The following CNTNAP5 variants were observed in gnomAD, a reference collection of about 807,000 sequenced individuals.
CNTNAP5 encodes contactin-associated protein-like 5.
Under a neutral mutation model 150.2 loss-of-function variants are expected in CNTNAP5, and 72 were observed. The observed-to-expected ratio is 0.48, with a 90% CI of 0.40 to 0.58. CNTNAP5 has a LOEUF of 0.58. CNTNAP5 is among the 20% of genes least tolerant of loss of function. CNTNAP5 has a pLI of 0.00. For synonymous variants in CNTNAP5, 672 were observed against 619.8 expected (o/e 1.08, Z -1.25); for missense variants, 1,636 against 1,626.2 (o/e 1.01, Z -0.10).
chr2:124,617,063 T>A (rs1020148676), intron 12 of CNTNAP5, among the ~76,000 whole-genome samples: 7 of 151,866 alleles, frequency 4.6e-5, no homozygotes, highest in African/African-American at 1.7e-4. Context: ...GATATAACAA[T>A]GATAATAATA....
At chr2:124,480,750 T>C (rs541734240) in intron 7 of CNTNAP5, among the ~76,000 whole-genome samples, 1 of 152,326 alleles carries the variant, frequency 6.6e-6, no homozygotes, top group African/African-American at 2.4e-5. Flanking sequence ...ATATTGTGTC[T>C]TTTCTCTTCT....
At chr2:124,058,134 A>G (rs1681905633) in intron 1 of CNTNAP5, among the ~76,000 whole-genome samples, 1 of 152,178 alleles carries the variant, frequency 6.6e-6, no homozygotes, top group Admixed American at 6.5e-5. Context: ...GGATTGTTAA[A>G]TATGCAAATT....
chr2:124,778,425 C>T (rs774416969), intron 17 of CNTNAP5: 3 of 152,396 alleles, frequency 2.0e-5, no homozygotes, highest in Non-Finnish European at 4.4e-5. Flanking sequence ...TGAACACATG[C>T]ACAAGTGGTG....
At chr2:124,190,387 G>A (rs1010947694) in intron 1 of CNTNAP5, among the ~76,000 whole-genome samples, 6 of 152,134 alleles carry the variant, frequency 3.9e-5, no homozygotes, top group African/African-American at 1.2e-4. Context: ...GAGGAGATGA[G>A]TGCGTGAGTT....
chr2:124,403,786 T>A (rs1033179270), intron 3 of CNTNAP5, among the ~76,000 whole-genome samples: 14 of 151,794 alleles, frequency 9.2e-5, no homozygotes, highest in African/African-American at 3.4e-4. Context: ...AAGAAGGAGG[T>A]TTAATTGACT....
At chr2:124,106,984 C>T (rs954825760) in intron 1 of CNTNAP5, among the ~76,000 whole-genome samples, 2 of 152,176 alleles carry the variant, frequency 1.3e-5, no homozygotes, top group African/African-American at 2.4e-5. Flanking sequence ...GTGTCAGAAG[C>T]GTTGTGAATA....
chr2:124,258,974 A>G (rs998008951), intron 3 of CNTNAP5, among the ~76,000 whole-genome samples: 1 of 151,476 alleles, frequency 6.6e-6, no homozygotes, highest in Non-Finnish European at 1.5e-5. Context: ...CTCAATTAAC[A>G]TTAGGTGTAT....
chr2:124,518,876 C>A (rs1243561677), intron 8 of CNTNAP5, among the ~76,000 whole-genome samples: 1 of 151,390 alleles, frequency 6.6e-6, no homozygotes, highest in Non-Finnish European at 1.5e-5. Context: ...GTGATCCCAG[C>A]TACTCAGGAG....
chr2:124,499,294 TA>T (rs113613609), intron 7 of CNTNAP5, among the ~76,000 whole-genome samples: 6,079 of 152,278 alleles, frequency 0.04, 144 homozygotes, highest in Non-Finnish European at 0.042. Flanking sequence ...AAAAAGTAGC[TA>T]ATTATTACAA....
At chr2:124,181,111 G>A (rs1300044921) in intron 1 of CNTNAP5, among the ~76,000 whole-genome samples, 1 of 151,814 alleles carries the variant, frequency 6.6e-6, no homozygotes, top group East Asian at 1.9e-4. Context: ...AGTTTCTTCT[G>A]TGTTCACATT....
chr2:124,755,327 A>G (rs1468130257), intron 14 of CNTNAP5, among the ~76,000 whole-genome samples: 1 of 152,210 alleles, frequency 6.6e-6, no homozygotes, highest in Non-Finnish European at 1.5e-5. Context: ...GCAAAATTGT[A>G]TCAGAAATAA....
intron 8 of CNTNAP5, among the ~76,000 whole-genome samples, chr2:124,521,551 T>C (rs1311661675): frequency 6.6e-6 from 1 of 152,152 alleles, no homozygotes; most frequent in African/African-American, 2.4e-5. Flanking sequence ...GTGCCATCTG[T>C]AACATGAATA....
rs567769712 is a variant in CNTNAP5 at position 124,038,089 on chromosome 2, G to A, written c.82+12357G>A. Among the ~76,000 whole-genome samples, 10 of 152,306 alleles carry A rather than the reference G, an allele frequency of 6.6e-5. No individual in the cohort carries two copies. In the East Asian group the frequency reaches 1.7e-3, roughly 26 times the overall value. ...TTTTACCCAATAGGGATAGACAGAAGGTTAGGTTTGACAAGTGTATACCCA... is the reference window on the plus strand; with the variant it reads ...TTTTACCCAATAGGGATAGACAGAAAGTTAGGTTTGACAAGTGTATACCCA... On this transcript the variant is annotated intron_variant, in intron 1 of 23. Transcript: ENST00000682447.
intron 3 of CNTNAP5, among the ~76,000 whole-genome samples, chr2:124,246,857 T>A (rs1411182332): frequency 6.6e-6 from 1 of 152,178 alleles, no homozygotes; most frequent in Non-Finnish European, 1.5e-5. Context: ...TTTATTAATA[T>A]TAAACTTGCA....
intron 1 of CNTNAP5, among the ~76,000 whole-genome samples, chr2:124,090,597 G>T (rs539949342): frequency 2.6e-5 from 4 of 152,106 alleles, no homozygotes; most frequent in Non-Finnish European, 5.9e-5. Context: ...TTTCATGGAA[G>T]AAGTAATGAT....
chr2:124,563,252 G>A lies in CNTNAP5; in HGVS notation c.1685G>A (p.Cys562Tyr). The A allele has an allele frequency of 6.3e-7, 1 of 1,594,234 alleles. No homozygotes were observed. Among genetic ancestry groups the A allele is most frequent in the South Asian group, 1.1e-5 (1 of 87,450 alleles). The change falls in exon 11 of 24, where the codon TGC becomes TAC. Residue 562 changes from cysteine (C) to tyrosine (Y), a missense_variant. Coordinates refer to ENST00000682447, the MANE Select transcript of CNTNAP5 (RefSeq NM_001367498.1). Reference protein sequence around the residue: ...LPNYCEHGGSCSQSWTTFYCN... With the variant: ...LPNYCEHGGSYSQSWTTFYCN... ...AACTACTGTGAACATGGAGGAAGCT[G>A]CTCCCAGTCCTGGACTACCTTCTAT...
At position 124,676,054 on chromosome 2, in the gene CNTNAP5, G is replaced by C. The variant is rs1389703070; in HGVS notation, c.2077+28096G>C. Among the ~76,000 whole-genome samples the C allele has an allele frequency of 2.6e-5, 4 of 152,132 alleles. No individual in the cohort carries two copies. The East Asian group carries it at 7.7e-4, about 29-fold the overall frequency. ...ATGTTTAATTGTTTACTGGACTAAT[G>C]ATAAAATATCTGTATTCATTTTTGT... On this transcript the variant is annotated intron_variant, in intron 13 of 23. Transcript: ENST00000682447.
chr2:124,051,621 A>G (rs2104643176), intron 1 of CNTNAP5, among the ~76,000 whole-genome samples: 1 of 152,342 alleles, frequency 6.6e-6, no homozygotes, highest in African/African-American at 2.4e-5. Context: ...TAAGAAGAGC[A>G]TTGATGGTGG....
chr2:124,292,832 G>A (rs1018493140), intron 3 of CNTNAP5, among the ~76,000 whole-genome samples: 1 of 151,922 alleles, frequency 6.6e-6, no homozygotes, highest in African/African-American at 2.4e-5. Flanking sequence ...ATAATATCGT[G>A]GTCTACAAAG....
Sources: gnomAD v4.1 joint callset for allele counts (sites outside exome capture counted in the v4.1 genomes callset) on GRCh38, gnomAD v4.1.1 for gene constraint, MANE v1.5 for transcripts, NCBI Gene and HGNC (gene_info 2026-07-23, HGNC 2026-07-21) for gene names.